The following IGSF3 variants were observed in gnomAD, a reference collection of about 807,000 sequenced individuals.
IGSF3 encodes the protein glu-Trp-Ile EWI motif-containing protein 3.
A neutral mutation model predicts 114.4 loss-of-function variants in IGSF3; 23 were observed. The observed-to-expected ratio is 0.20, with a 90% CI of 0.14 to 0.28. IGSF3 has a LOEUF of 0.28. Ranked by LOEUF, IGSF3 falls within the 10% of genes least tolerant of loss-of-function variation. IGSF3 has a pLI of 1.00. For missense variants in IGSF3, 1,172 were observed against 1,591.5 expected, an observed-to-expected ratio of 0.74 and a Z score of 4.48; for synonymous variants, 571 against 645.2, an observed-to-expected ratio of 0.88 and a Z score of 1.74.
In IGSF3 at chr1:116,584,173, G is replaced by A. The variant is rs972141853; in HGVS notation, c.2848+472C>T. On this transcript the variant is annotated intron_variant, in intron 9 of 10. Transcript: ENST00000369486. This position sits in a 1 kb window ranked among gnomAD's most constrained non-coding sequence, Gnocchi z 5.8. ...CACTGCACTCTGCACTCCAGCCTGG[G>A]TGACAGAGTGAGACTCCGTTTCAAA... Among the ~76,000 whole-genome samples the A allele has an allele frequency of 6.8e-6, 1 of 146,534 alleles. No individual in the cohort carries two copies.
Position 116,603,647 on chromosome 1 carries a change from G to A in IGSF3, c.1601C>T (p.Thr534Ile), listed in dbSNP as rs141798869. 3 of 1,613,790 alleles carry A rather than the reference G, an allele frequency of 1.9e-6. No homozygotes were observed. The African/African-American group carries it at 4.0e-5, about 22-fold the overall frequency. ...WQIVGERRAS[T>I]PISITALEMG... ...ACCAAGAGCTGTGATGGAGATGGGA[G>A]TGCTGGCCCGGCGCTCCCCAACAAT... Residue 534 changes from threonine (T) to isoleucine (I), a missense_variant, in exon 6 of 11, where the codon ACT (threonine) becomes ATT (isoleucine). Physicochemically the swap from Thr to Ile is moderately conservative, Grantham distance 89. Transcript: ENST00000369486. This position sits in a 1 kb window ranked among gnomAD's most constrained non-coding sequence, Gnocchi z 7.1.
At chr1:116,587,785 C>A (rs1393669130) in intron 8 of IGSF3, among the ~76,000 whole-genome samples, 1 of 152,074 alleles carries the variant, frequency 6.6e-6, no homozygotes, top group Non-Finnish European at 1.5e-5. Context: ...ACAATGAGGG[C>A]AGCACAAGCG....
Position 116,614,975 on chromosome 1 carries a change from G to A in IGSF3, c.422-800C>T, listed in dbSNP as rs374636325. The stretch of plus-strand genomic sequence containing the variant: ...TTCTCACCCAAGGCTTGGGTCTTAC[G>A]GGTCTCCTGCTGGGAACGGCCAAGT... On this transcript the variant is annotated intron_variant, in intron 3 of 10. Coordinates refer to ENST00000369486, the MANE Select transcript of IGSF3 (RefSeq NM_001007237.3). This position sits in a 1 kb window ranked among gnomAD's most constrained non-coding sequence, Gnocchi z 4.5. Among the ~76,000 whole-genome samples the A allele has an allele frequency of 8.6e-5, 13 of 152,016 alleles. No individual in the cohort carries two copies. Among genetic ancestry groups the A allele is most frequent in the African/African-American group, 2.2e-4 (9 of 41,376 alleles).
At position 116,624,158 on chromosome 1, in the gene IGSF3, T is replaced by C. The variant is rs1661504344; in HGVS notation, c.44-7701A>G. 6.6e-6 allele frequency among the ~76,000 whole-genome samples: 1 copy of C among 151,156 alleles called. No homozygotes were observed. Among genetic ancestry groups the C allele is most frequent in the East Asian group, 2.0e-4 (1 of 5,126 alleles). ...GGCCGAGGCTGCCGTGAACAATGAT[T>C]GTGCCACTGCACTCCAGCCTGGGTG... On this transcript the variant is annotated intron_variant, in intron 2 of 10. Transcript: ENST00000369486. This position sits in a 1 kb window ranked among gnomAD's most constrained non-coding sequence, Gnocchi z 4.9.
At chr1:116,646,366 G>A (rs1648370281) in intron 2 of IGSF3, among the ~76,000 whole-genome samples, 1 of 152,102 alleles carries the variant, frequency 6.6e-6, no homozygotes, top group South Asian at 2.1e-4. Context: ...CAAAGAGGAT[G>A]GATTCAGAAG....
At position 116,649,010 on chromosome 1, in the gene IGSF3, A is replaced by G. The variant is rs1255753574; in HGVS notation, c.43+17274T>C. The stretch of plus-strand genomic sequence containing the variant: ...AGCAGACCCCTGAGCAAATCAAGTC[A>G]GGAGAAGGTAGACAACTGTACCATG... On this transcript the variant is annotated intron_variant, in intron 2 of 10. Coordinates refer to ENST00000369486, the MANE Select transcript of IGSF3 (RefSeq NM_001007237.3). This position sits in a 1 kb window ranked among gnomAD's most constrained non-coding sequence, Gnocchi z 4.5. 1.3e-5 allele frequency among the ~76,000 whole-genome samples: 2 copies of G among 152,236 alleles called. No individual in the cohort carries two copies. The highest frequency in any genetic ancestry group is 4.1e-4 in the South Asian group (2 of 4,838).
In IGSF3 at chr1:116,614,036, T is replaced by C. The variant is rs1304966593; in HGVS notation, c.561A>G (p.Lys187=). 6.2e-7 allele frequency: 1 copy of C among 1,614,162 alleles called. No homozygotes were observed. The highest frequency in any genetic ancestry group is 8.5e-7 in the Non-Finnish European group (1 of 1,180,022). The change falls in exon 4 of 11, where the codon AAA becomes AAG. Residue 187 remains lysine (K), a synonymous_variant. Coordinates refer to ENST00000369486, the MANE Select transcript of IGSF3 (RefSeq NM_001007237.3). This position sits in a 1 kb window ranked among gnomAD's most constrained non-coding sequence, Gnocchi z 4.5. ...SHLSVAWLRQ[K]VGEKPVEVIS... ...TGACCTCCACGGGCTTCTCGCCAAC[T>C]TTCTGCCGGAGCCAGGCCACAGACA...
At position 116,577,347 on chromosome 1, in the gene IGSF3, G is replaced by A; in HGVS notation, c.3550C>T (p.Pro1184Ser). The change falls in exon 11 of 11, where the codon CCT becomes TCT. Residue 1184 changes from proline to serine, a missense_variant. This residue lies in a region of IGSF3 where 423 missense variants were observed against 509.8 expected (regional missense o/e 0.83). Coordinates refer to ENST00000369486, the MANE Select transcript of IGSF3 (RefSeq NM_001007237.3). The surrounding 1 kb of genome is among the most constrained non-coding windows in gnomAD (Gnocchi z 5.7). ...LNYSPTCLEP[P>S]VLSIHPGAID The stretch of plus-strand genomic sequence containing the variant: ...GCCCCTGGATGGATACTGAGAACAG[G>A]GGGCTCCAGGCAAGTAGGGGAGTAG... 6.2e-7 allele frequency: 1 copy of A among 1,614,136 alleles called. No individual in the cohort carries two copies. Among genetic ancestry groups the A allele is most frequent in the Non-Finnish European group, 8.5e-7 (1 of 1,180,034 alleles).
rs1002774191 is a variant in IGSF3, at chr1:116,628,361, C to T, written c.44-11904G>A. ...CTGCACTCCCCACTGTGGTTCTCAG[C>T]GCAAATTCCCCAGAAAGCAATCTGA... On this transcript the variant is annotated intron_variant, in intron 2 of 10. Transcript: ENST00000369486. This position sits in a 1 kb window ranked among gnomAD's most constrained non-coding sequence, Gnocchi z 4.2. Among the ~76,000 whole-genome samples, 18 of 152,158 alleles carry T rather than the reference C, an allele frequency of 1.2e-4. No individual in the cohort carries two copies. The highest frequency in any genetic ancestry group is 3.8e-4 in the East Asian group (2 of 5,200).
chr1:116,591,445 T>C (rs1338065023), intron 7 of IGSF3, among the ~76,000 whole-genome samples: 1 of 152,240 alleles, frequency 6.6e-6, no homozygotes, highest in Non-Finnish European at 1.5e-5. Context: ...CCTCAATTGC[T>C]ATAGTAACTG....
Position 116,577,612 on chromosome 1 carries a change from C to T in IGSF3, c.3335-50G>A. The T allele has an allele frequency of 6.3e-7, 1 of 1,590,032 alleles. No homozygotes were observed. On this transcript the variant is annotated intron_variant, in intron 10 of 10. Transcript: ENST00000369486. This position sits in a 1 kb window ranked among gnomAD's most constrained non-coding sequence, Gnocchi z 5.7. ...AGACAATGAGGGCTGAGAACCTGGA[C>T]TGCTCACATTTCCTTTTGAAGACCT...
intron 2 of IGSF3, among the ~76,000 whole-genome samples, chr1:116,640,809 A>G (rs1648056691): frequency 6.6e-6 from 1 of 152,222 alleles, no homozygotes; most frequent in Admixed American, 6.5e-5. Context: ...GCTCTGCAAC[A>G]TCAGTGCACC....
In IGSF3 at chr1:116,632,996, C is replaced by T. The variant is rs188547504; in HGVS notation, c.44-16539G>A. On this transcript the variant is annotated intron_variant, in intron 2 of 10. Coordinates refer to ENST00000369486, the MANE Select transcript of IGSF3 (RefSeq NM_001007237.3). The surrounding 1 kb of genome is among the most constrained non-coding windows in gnomAD (Gnocchi z 5.1). ...TCCTGCCAGGCTCATTGTAAAGTGACGAATTTTGTGGACACTTACAGAGAA... is the reference window on the plus strand; with the variant it reads ...TCCTGCCAGGCTCATTGTAAAGTGATGAATTTTGTGGACACTTACAGAGAA... 1.4e-4 allele frequency among the ~76,000 whole-genome samples: 21 copies of T among 152,330 alleles called. No individual in the cohort carries two copies. The highest frequency in any genetic ancestry group is 1.4e-3 in the Admixed American group (21 of 15,302).
chr1:116,589,444 G>A lies in IGSF3; in HGVS notation c.2030-340C>T, dbSNP rs1186301510. ...AGTTTAATGGCTCTGAACTACCTAC[G>A]GGCCAGAGAGAAACAATTCCTTTTC... On this transcript the variant is annotated intron_variant, in intron 7 of 10. Coordinates refer to ENST00000369486, the MANE Select transcript of IGSF3 (RefSeq NM_001007237.3). This position sits in a 1 kb window ranked among gnomAD's most constrained non-coding sequence, Gnocchi z 5.7. 1.3e-5 allele frequency among the ~76,000 whole-genome samples: 2 copies of A among 151,960 alleles called. No individual in the cohort carries two copies. Among genetic ancestry groups the A allele is most frequent in the Non-Finnish European group, 2.9e-5 (2 of 68,022 alleles).
At chr1:116,581,502 G>A (rs1303480946) in intron 9 of IGSF3, among the ~76,000 whole-genome samples, 1 of 152,112 alleles carries the variant, frequency 6.6e-6, no homozygotes, top group East Asian at 1.9e-4. Flanking sequence ...AGACCAAATA[G>A]GAGCACTTTC....
chr1:116,630,695 G>A (rs1647534502), intron 2 of IGSF3, among the ~76,000 whole-genome samples: 3 of 152,200 alleles, frequency 2.0e-5, no homozygotes, highest in Non-Finnish European at 4.4e-5. Context: ...AGTAAACAGA[G>A]GCGGCAAAGC....
Position 116,600,570 on chromosome 1 carries a change from A to G in IGSF3, c.1625-225T>C, listed in dbSNP as rs796252574. 2.0e-5 allele frequency among the ~76,000 whole-genome samples: 3 copies of G among 152,150 alleles called. No homozygotes were observed. The highest frequency in any genetic ancestry group is 4.8e-5 in the African/African-American group (2 of 41,424). Reference sequence around the variant, plus strand: ...CCCACCACAATTCCCCCTGAGCAGCACTAGCCTAACCCTTCCCAGTGAGAT... The same window carrying G: ...CCCACCACAATTCCCCCTGAGCAGCGCTAGCCTAACCCTTCCCAGTGAGAT... On this transcript the variant is annotated intron_variant, in intron 6 of 10. Transcript: ENST00000369486. This position sits in a 1 kb window ranked among gnomAD's most constrained non-coding sequence, Gnocchi z 5.5.
In IGSF3 at chr1:116,607,009, G is replaced by A. The variant is rs1660817296; in HGVS notation, c.1222+933C>T. ...CTACTTGAAGAGAAATATCACACTTGAAGAGAAATATTTTAAATATTAAAA... is the reference window on the plus strand; with the variant it reads ...CTACTTGAAGAGAAATATCACACTTAAAGAGAAATATTTTAAATATTAAAA... On this transcript the variant is annotated intron_variant, in intron 5 of 10. Transcript: ENST00000369486. This position sits in a 1 kb window ranked among gnomAD's most constrained non-coding sequence, Gnocchi z 6.1. Among the ~76,000 whole-genome samples the A allele has an allele frequency of 6.6e-6, 1 of 152,096 alleles. No individual in the cohort carries two copies. Among genetic ancestry groups the A allele is most frequent in the Non-Finnish European group, 1.5e-5 (1 of 68,030 alleles).
rs888191049 is a variant in IGSF3, at chr1:116,651,120, G to C, written c.43+15164C>G. On this transcript the variant is annotated intron_variant, in intron 2 of 10. Transcript: ENST00000369486. The surrounding 1 kb of genome is among the most constrained non-coding windows in gnomAD (Gnocchi z 4.4). ...GGAACGCCCATGCCTAGCCATAACT[G>C]AGCACATCACAGACTCACACAAATC... 1.3e-5 allele frequency among the ~76,000 whole-genome samples: 2 copies of C among 152,236 alleles called. No homozygotes were observed. Among genetic ancestry groups the C allele is most frequent in the African/African-American group, 4.8e-5 (2 of 41,452 alleles).
Sources: allele counts gnomAD v4.1 joint callset (sites outside exome capture counted in the v4.1 genomes callset), GRCh38; gene constraint gnomAD v4.1.1; regional missense constraint gnomAD v4.1.1; non-coding constraint Gnocchi (gnomAD v3.1); transcripts MANE v1.5; gene names NCBI Gene and HGNC (gene_info 2026-07-23, HGNC 2026-07-21).